Variants in SDK1 observed in about 807,000 individuals in gnomAD.
SDK1 encodes protein sidekick-1.
In SDK1, 157 loss-of-function variants were observed where a neutral mutation model predicts 245.5. That is an observed-to-expected ratio of 0.64 (90% CI 0.56 to 0.73). The LOEUF (loss-of-function observed/expected upper bound fraction) is 0.73, where lower values mean the gene tolerates loss of function less well. Ranked by LOEUF, SDK1 falls within the 30% of genes least tolerant of loss-of-function variation. SDK1 has a pLI of 0.00. For missense variants in SDK1, 3,583 were observed against 3,002.3 expected, an observed-to-expected ratio of 1.19 and a Z score of -4.52; for synonymous variants, 1,647 against 1,278.5, an observed-to-expected ratio of 1.29 and a Z score of -6.15.
At chr7:3,594,257 C>T (rs1449721991) in intron 1 of SDK1, among the ~76,000 whole-genome samples, 3 of 152,150 alleles carry the variant, frequency 2.0e-5, no homozygotes, top group African/African-American at 7.2e-5. Flanking sequence ...TTTCAAGGCT[C>T]ATCCATGTTG....
At position 3,337,503 on chromosome 7, in the gene SDK1, C is replaced by G. The variant is rs190223777; in HGVS notation, c.298+35619C>G. 4.1e-3 allele frequency among the ~76,000 whole-genome samples: 626 copies of G among 152,076 alleles called. 7 individuals carry two copies. Among genetic ancestry groups the G allele is most frequent in the South Asian group, 0.018 (87 of 4,810 alleles). On this transcript the variant is annotated intron_variant, in intron 1 of 44. Coordinates refer to ENST00000404826, the MANE Select transcript of SDK1 (RefSeq NM_152744.4). ...AAGAAATAATCTGACTATAATTTCT[C>G]AAATTTGGTGAAAGACAGAAAGCTG...
intron 1 of SDK1, among the ~76,000 whole-genome samples, chr7:3,605,127 AG>A (rs1413861502): frequency 5.2e-5 from 7 of 135,922 alleles, no homozygotes; most frequent in South Asian, 5.0e-4. Flanking sequence ...ATAGCACTTG[AG>A]GAAAAAAAAA....
At chr7:3,890,267 G>A (rs1341182570) in intron 5 of SDK1, among the ~76,000 whole-genome samples, 1 of 152,230 alleles carries the variant, frequency 6.6e-6, no homozygotes, top group Non-Finnish European at 1.5e-5. Flanking sequence ...GCCACATGGA[G>A]TTGTTGAGCA....
intron 30 of SDK1, among the ~76,000 whole-genome samples, chr7:4,153,142 C>G (rs76078594): frequency 0.02 from 3,078 of 151,880 alleles, 104 homozygotes; most frequent in African/African-American, 0.071. Flanking sequence ...GGGTTCCAAA[C>G]AGAAGACAGA....
chr7:4,125,489 T>G (rs200762224), intron 25 of SDK1, among the ~76,000 whole-genome samples: 78 of 146,536 alleles, frequency 5.3e-4, no homozygotes, highest in Non-Finnish European at 9.0e-4. Flanking sequence ...ATGGATTGAT[T>G]GATGGATGGA....
intron 4 of SDK1, among the ~76,000 whole-genome samples, chr7:3,815,626 C>T (rs952840215): frequency 1.3e-5 from 2 of 149,770 alleles, no homozygotes; most frequent in Non-Finnish European, 3.0e-5. Context: ...ATGCTGGCCT[C>T]ATAAAATGAG....
intron 22 of SDK1, among the ~76,000 whole-genome samples, chr7:4,089,591 C>T (rs1023490747): frequency 6.6e-6 from 1 of 152,184 alleles, no homozygotes; most frequent in African/African-American, 2.4e-5. Context: ...TGCACACCTC[C>T]CTGGGCTGTC....
At chr7:3,714,350 A>C (rs1785137941) in intron 4 of SDK1, among the ~76,000 whole-genome samples, 1 of 152,200 alleles carries the variant, frequency 6.6e-6, no homozygotes, top group Admixed American at 6.5e-5. Flanking sequence ...TTGTGAAAGG[A>C]GCTTTAGAAT....
At chr7:4,065,694 GTTTTTTTTTTTTTTT>G (rs749991713) in intron 19 of SDK1, among the ~76,000 whole-genome samples, 35,475 of 72,286 alleles carry the variant, frequency 0.49, 7,732 homozygotes, top group African/African-American at 0.66. Flanking sequence ...AGTGGTTGTT[GTTTTTTTTTTTTTTT>G]TTTTTTTTTT....
chr7:3,348,376 C>T (rs748677962), intron 1 of SDK1, among the ~76,000 whole-genome samples: 2 of 152,084 alleles, frequency 1.3e-5, no homozygotes, highest in African/African-American at 2.4e-5. Flanking sequence ...TACTATGCAG[C>T]CATAAAAAGG....
chr7:3,813,025 C>G (rs1416830804), intron 4 of SDK1, among the ~76,000 whole-genome samples: 1 of 152,216 alleles, frequency 6.6e-6, no homozygotes, highest in Admixed American at 6.5e-5. Flanking sequence ...ATAAACATAT[C>G]ACTCTGGCGA....
At chr7:3,460,034 A>C (rs1281580937) in intron 1 of SDK1, among the ~76,000 whole-genome samples, 1 of 152,192 alleles carries the variant, frequency 6.6e-6, no homozygotes, top group Non-Finnish European at 1.5e-5. Context: ...TTTGGGGATA[A>C]GTATTTATTT....
intron 4 of SDK1, among the ~76,000 whole-genome samples, chr7:3,676,518 G>C (rs1391035444): frequency 1.3e-5 from 2 of 151,676 alleles, no homozygotes; most frequent in East Asian, 3.9e-4. Flanking sequence ...GTAGAGACGG[G>C]GTTTCACCCT....
chr7:3,458,077 G>A (rs1780724302), intron 1 of SDK1, among the ~76,000 whole-genome samples: 1 of 151,950 alleles, frequency 6.6e-6, no homozygotes, highest in Non-Finnish European at 1.5e-5. Flanking sequence ...TCTTTTTTGT[G>A]TGTGTGTGTT....
chr7:3,388,651 C>G (rs1027204818), intron 1 of SDK1, among the ~76,000 whole-genome samples: 1 of 152,176 alleles, frequency 6.6e-6, no homozygotes, highest in Admixed American at 6.5e-5. Context: ...TAAGCTGTTT[C>G]GTGCATTAGT....
At chr7:3,498,277 T>C (rs1782085869) in intron 1 of SDK1, among the ~76,000 whole-genome samples, 1 of 152,188 alleles carries the variant, frequency 6.6e-6, no homozygotes, top group African/African-American at 2.4e-5. Context: ...TTATCTCTTC[T>C]TAGATTTTGC....
At chr7:3,998,910 G>A (rs1784872268) in intron 14 of SDK1, among the ~76,000 whole-genome samples, 1 of 152,144 alleles carries the variant, frequency 6.6e-6, no homozygotes, top group South Asian at 2.1e-4. Flanking sequence ...TTATGCCTTG[G>A]CTACCAGGAA....
At position 4,008,175 on chromosome 7, in the gene SDK1, A is replaced by G. The variant is rs554113532; in HGVS notation, c.2132-2791A>G. 1.6e-4 allele frequency among the ~76,000 whole-genome samples: 25 copies of G among 152,334 alleles called. No homozygotes were observed. The South Asian group carries it at 3.5e-3, about 21-fold the overall frequency. ...CTTTTTGTGACTTATTTCATGTAGTATACTGTCCTCAAGGTTCATCCATGT... is the reference window on the plus strand; with the variant it reads ...CTTTTTGTGACTTATTTCATGTAGTGTACTGTCCTCAAGGTTCATCCATGT... On this transcript the variant is annotated intron_variant, in intron 14 of 44. Transcript: ENST00000404826.
Position 4,079,642 on chromosome 7 carries a change from G to A in SDK1, c.3324+58G>A, listed in dbSNP as rs1780931537. The A allele has an allele frequency of 2.5e-6, 4 of 1,603,198 alleles. No homozygotes were observed. In the Admixed American group the frequency reaches 6.7e-5, roughly 27 times the overall value. On this transcript the variant is annotated intron_variant, in intron 22 of 44. Transcript: ENST00000404826. ...TGCGAAGAGCAGTGTTGGGGCCTGT[G>A]AATGAGTGGTACCCCTGCAGATGAT...
Sources: allele counts gnomAD v4.1 joint callset (sites outside exome capture counted in the v4.1 genomes callset), GRCh38; gene constraint gnomAD v4.1.1; transcripts MANE v1.5; gene names NCBI Gene and HGNC (gene_info 2026-07-23, HGNC 2026-07-21).